The following CPEB2 variants were observed in gnomAD, a reference collection of about 807,000 sequenced individuals.
CPEB2 encodes the protein cytoplasmic polyadenylation element binding protein 2, also known as cytoplasmic polyadenylation element-binding protein 2.
CPEB2 carries 56 observed loss-of-function variants against 93.6 expected under a neutral mutation model. The ratio of observed to expected loss-of-function variants is 0.60; its 90% CI spans 0.48 to 0.75. CPEB2 has a LOEUF of 0.75. Among genes scored for constraint, CPEB2 ranks in the 30% least tolerant of loss-of-function variants. The pLI, the probability that CPEB2 is intolerant of heterozygous loss-of-function variation, is 0.00. For synonymous variants in CPEB2, 764 were observed against 586.3 expected (o/e 1.30, Z -4.38); for missense variants, 1,579 against 1,395.1 (o/e 1.13, Z -2.10).
intron 4 of CPEB2, among the ~76,000 whole-genome samples, chr4:15,031,839 T>C (rs1440745506): frequency 6.6e-6 from 1 of 152,102 alleles, no homozygotes; most frequent in African/African-American, 2.4e-5. Context: ...TTTAATTTCA[T>C]AACTGAAACA....
Position 15,052,474 on chromosome 4 carries a change from T to C in CPEB2, c.2261T>C (p.Val754Ala), listed in dbSNP as rs983597517. Residue 754 changes from valine (V) to alanine (A), a missense_variant, in exon 7 of 12, where the codon GTT (valine) becomes GCT (alanine). By Grantham distance (64) the Val-to-Ala change is moderately conservative (BLOSUM62 0). Transcript: ENST00000538197. The stretch of plus-strand genomic sequence containing the variant: ...CTTGATGATGGTCACAGTGATCAAG[T>C]TGGAGTTTTAAATTCACCCACCTGT... ...GLLDDGHSDQ[V>A]GVLNSPTCYS... The C allele has an allele frequency of 5.0e-6, 8 of 1,597,746 alleles. No homozygotes were observed. Among genetic ancestry groups the C allele is most frequent in the African/African-American group, 2.7e-5 (2 of 74,502 alleles).
intron 4 of CPEB2, among the ~76,000 whole-genome samples, chr4:15,024,547 T>C (rs552738604): frequency 2.3e-4 from 35 of 152,196 alleles, no homozygotes; most frequent in Non-Finnish European, 4.4e-4. Flanking sequence ...TTCTGGAAGC[T>C]TTTAGGTTAT....
In CPEB2 at chr4:15,066,509, A is replaced by G; in HGVS notation, c.*129A>G. 1.5e-6 allele frequency: 1 copy of G among 667,162 alleles called. No individual in the cohort carries two copies. Among genetic ancestry groups the G allele is most frequent in the Non-Finnish European group, 2.6e-6 (1 of 386,668 alleles). 41.3% of individuals were successfully genotyped at this position (667,162 alleles called of 1,614,324 possible). On this transcript the variant is annotated 3_prime_UTR_variant, in exon 12 of 12. Coordinates refer to ENST00000538197, the MANE Select transcript of CPEB2 (RefSeq NM_001177382.2). ...TTTCACCCCAGCTATCAATACATGCATCTTTATCAGCAGCCAAAACACTAC... is the reference window on the plus strand; with the variant it reads ...TTTCACCCCAGCTATCAATACATGCGTCTTTATCAGCAGCCAAAACACTAC...
rs1560204114 is a variant in CPEB2 at position 15,003,136 on chromosome 4, T to A, written c.463T>A (p.Cys155Ser). ...HHPSSSSASS[C>S]CCCRTSSPQD... ...CCCCTCCTCCTCCTCCGCCTCCTCCTGCTGCTGCTGCCGCACCTCCTCCCC... is the reference window on the plus strand; with the variant it reads ...CCCCTCCTCCTCCTCCGCCTCCTCCAGCTGCTGCTGCCGCACCTCCTCCCC... Residue 155 changes from cysteine to serine, a missense_variant, in exon 1 of 12, where the codon TGC becomes AGC. Physicochemically the swap from Cys to Ser is moderately radical, Grantham distance 112 (BLOSUM62 -1). This residue lies in a region of CPEB2 where 1,411 missense variants were observed against 1,056.0 expected (regional missense o/e 1.34). Transcript: ENST00000538197. 1 of 1,529,188 alleles carries A rather than the reference T, an allele frequency of 6.5e-7. No homozygotes were observed. The highest frequency in any genetic ancestry group is 2.5e-5 in the East Asian group (1 of 40,122). 94.7% of individuals were successfully genotyped at this position (1,529,188 alleles called of 1,614,324 possible).
Position 15,003,457 on chromosome 4 carries a change from C to CTT in CPEB2, c.784_785insTT (p.Pro262LeufsTer47), listed in dbSNP as rs1722278864. 22 of 1,373,892 alleles carry CTT rather than the reference C, an allele frequency of 1.6e-5. No individual in the cohort carries two copies. The highest frequency in any genetic ancestry group is 2.0e-5 in the Non-Finnish European group (21 of 1,072,092). 85.1% of individuals were successfully genotyped at this position (1,373,892 alleles called of 1,614,324 possible). On this transcript the variant is annotated frameshift_variant, in exon 1 of 12. Coordinates refer to ENST00000538197, the MANE Select transcript of CPEB2 (RefSeq NM_001177382.2). LOFTEE classifies it high-confidence loss of function. ...GCGTCCGGCAGACCTGCCCCCGCTC[C>CTT]CGCAGCTCCCTCCCTCGCCGCCTGC...
rs1031959530 is a variant in CPEB2 at position 15,002,578 on chromosome 4, C to T, written c.-96C>T. Reference sequence around the variant, plus strand: ...GGTGTCCCTCTCTCACTGACTCCCCCTCCTTCCACCACGGCCGCGCAACCC... The same window carrying T: ...GGTGTCCCTCTCTCACTGACTCCCCTTCCTTCCACCACGGCCGCGCAACCC... On this transcript the variant is annotated 5_prime_UTR_variant, in exon 1 of 12. Coordinates refer to ENST00000538197, the MANE Select transcript of CPEB2 (RefSeq NM_001177382.2). The T allele has an allele frequency of 6.8e-6, 7 of 1,035,468 alleles. No homozygotes were observed. Among genetic ancestry groups the T allele is most frequent in the Non-Finnish European group, 9.4e-6 (7 of 743,142 alleles). The allele number at this position is 1,035,468 out of a possible 1,614,324, so 64.1% of individuals were successfully genotyped here. A position where few individuals can be genotyped will look rare whatever the true frequency, so the allele number is the denominator to read the frequency against.
chr4:15,024,851 T>C (rs575040750), intron 4 of CPEB2, among the ~76,000 whole-genome samples: 1 of 151,984 alleles, frequency 6.6e-6, no homozygotes, highest in Non-Finnish European at 1.5e-5. Flanking sequence ...GTTCAAGTGA[T>C]TCTCCTGCCT....
chr4:15,022,739 C>T (rs1255714228), intron 4 of CPEB2, among the ~76,000 whole-genome samples: 1 of 151,894 alleles, frequency 6.6e-6, no homozygotes, highest in African/African-American at 2.4e-5. Flanking sequence ...TTATAACGTA[C>T]ATGGAATCTT....
chr4:15,019,845 A>G (rs1339021969), intron 4 of CPEB2, among the ~76,000 whole-genome samples: 1 of 152,086 alleles, frequency 6.6e-6, no homozygotes, highest in African/African-American at 2.4e-5. Context: ...TAATTATCCC[A>G]AAATTTAGCA....
chr4:15,006,882 T>TA (rs1722884342), intron 1 of CPEB2, among the ~76,000 whole-genome samples: 1 of 152,224 alleles, frequency 6.6e-6, no homozygotes, highest in African/African-American at 2.4e-5. Context: ...ATGAGTAGGA[T>TA]ATTTTAATTA....
At chr4:15,042,081 A>T (rs1432003842) in intron 6 of CPEB2, among the ~76,000 whole-genome samples, 1 of 152,178 alleles carries the variant, frequency 6.6e-6, no homozygotes, top group Non-Finnish European at 1.5e-5. Flanking sequence ...TTAGTAATGG[A>T]GCTTCAGTTC....
chr4:15,033,491 A>C (rs1056492354), intron 5 of CPEB2, among the ~76,000 whole-genome samples: 1 of 152,242 alleles, frequency 6.6e-6, no homozygotes, highest in Non-Finnish European at 1.5e-5. Flanking sequence ...GACCTTGGAC[A>C]GATTACTATT....
At chr4:15,020,830 C>T (rs369766818) in intron 4 of CPEB2, among the ~76,000 whole-genome samples, 3 of 152,142 alleles carry the variant, frequency 2.0e-5, no homozygotes, top group Admixed American at 6.6e-5. Context: ...ATACAATATA[C>T]GTATATCTAC....
At chr4:15,060,305 T>C (rs1041773136) in intron 10 of CPEB2, among the ~76,000 whole-genome samples, 1 of 152,108 alleles carries the variant, frequency 6.6e-6, no homozygotes, top group Non-Finnish European at 1.5e-5. Flanking sequence ...GGTAAACCAT[T>C]GAAGAGTTTT....
chr4:15,038,829 T>TC (rs1726896346), intron 5 of CPEB2, among the ~76,000 whole-genome samples: 1 of 152,164 alleles, frequency 6.6e-6, no homozygotes. Context: ...ACTCAGGTGA[T>TC]CCACCCGCCT....
intron 11 of CPEB2, among the ~76,000 whole-genome samples, chr4:15,062,583 C>A (rs1729298920): frequency 1.3e-5 from 2 of 151,946 alleles, no homozygotes; most frequent in African/African-American, 4.8e-5. Context: ...GGGATTGAAC[C>A]CCATTTCTAC....
intron 6 of CPEB2, among the ~76,000 whole-genome samples, chr4:15,043,255 G>A (rs542246876): frequency 1.3e-5 from 2 of 152,274 alleles, no homozygotes; most frequent in East Asian, 3.9e-4. Flanking sequence ...GCTAGCTCCA[G>A]ATATTAATTT....
In CPEB2 at chr4:15,058,409, TGG is replaced by T; in HGVS notation, c.2462-11_2462-10del. 6.7e-7 allele frequency: 1 copy of T among 1,502,572 alleles called. No individual in the cohort carries two copies. Among genetic ancestry groups the T allele is most frequent in the Non-Finnish European group, 9.2e-7 (1 of 1,081,276 alleles). The allele number at this position is 1,502,572 out of a possible 1,614,324, so 93.1% of individuals were successfully genotyped here. Reference sequence around the variant, plus strand: ...GCTTGACATATTGCCTCATCTTTAATGGTTATTCCAGGCTATGCATTTCTTCT... The same window carrying T: ...GCTTGACATATTGCCTCATCTTTAATTTATTCCAGGCTATGCATTTCTTCT... On this transcript the variant is annotated splice_polypyrimidine_tract_variant and intron_variant, in intron 8 of 11. Coordinates refer to ENST00000538197, the MANE Select transcript of CPEB2 (RefSeq NM_001177382.2).
intron 4 of CPEB2, among the ~76,000 whole-genome samples, chr4:15,030,336 G>A (rs993361920): frequency 1.3e-5 from 2 of 152,134 alleles, no homozygotes; most frequent in African/African-American, 4.8e-5. Flanking sequence ...CTTAGGTTCA[G>A]GTTCTGCCAG....
Sources: allele counts gnomAD v4.1 joint callset (sites outside exome capture counted in the v4.1 genomes callset), GRCh38; gene constraint gnomAD v4.1.1; regional missense constraint gnomAD v4.1.1; transcripts MANE v1.5; gene names NCBI Gene and HGNC (gene_info 2026-07-23, HGNC 2026-07-21).